Variants in UNC79 observed in about 807,000 individuals in gnomAD.
UNC79 encodes the protein unc-79 subunit of NALCN channel complex, also known as protein unc-79 homolog.
UNC79 carries 37 observed loss-of-function variants against 283.1 expected under a neutral mutation model. That is an observed-to-expected ratio of 0.13 (90% CI 0.10 to 0.17). The LOEUF is 0.17. Ranked by LOEUF, UNC79 falls within the 10% of genes least tolerant of loss-of-function variation. The pLI is 1.00. For synonymous variants in UNC79, 1,107 were observed against 1,200.2 expected, an observed-to-expected ratio of 0.92 and a Z score of 1.61; for missense variants, 2,272 against 3,211.1, an observed-to-expected ratio of 0.71 and a Z score of 7.07.
At chr14:93,683,106 T>C (rs1466620713) in intron 42 of UNC79, among the ~76,000 whole-genome samples, 1 of 152,220 alleles carries the variant, frequency 6.6e-6, no homozygotes, top group African/African-American at 2.4e-5. Flanking sequence ...TTATAATAGA[T>C]TTCTGGGAAT....
intron 30 of UNC79, among the ~76,000 whole-genome samples, chr14:93,629,862 C>A (rs2067881085): frequency 6.6e-6 from 1 of 152,112 alleles, no homozygotes; most frequent in African/African-American, 2.4e-5. Context: ...TCATGGGAGC[C>A]CATGGTGGTA....
At chr14:93,566,032 C>A (rs1471682494) in intron 14 of UNC79, among the ~76,000 whole-genome samples, 1 of 151,960 alleles carries the variant, frequency 6.6e-6, no homozygotes, top group African/African-American at 2.4e-5. Context: ...GAAAGCATAG[C>A]TTAGAGGGGT....
At chr14:93,584,695 C>A (rs1290414655) in intron 20 of UNC79, among the ~76,000 whole-genome samples, 4 of 152,080 alleles carry the variant, frequency 2.6e-5, no homozygotes, top group Non-Finnish European at 4.4e-5. Context: ...TAAGCAATTT[C>A]TTTTTTCTTT....
intron 38 of UNC79, among the ~76,000 whole-genome samples, chr14:93,655,718 CGTAGATATTAAATAA>C (rs2070862336): frequency 6.6e-6 from 1 of 151,660 alleles, no homozygotes; most frequent in Non-Finnish European, 1.5e-5. Flanking sequence ...GTTTTTCTCC[CGTAGATATTAAATAA>C]GTAAGTAAAT....
chr14:93,432,189 A>G (rs2055907833), intron 1 of UNC79, among the ~76,000 whole-genome samples: 2 of 152,258 alleles, frequency 1.3e-5, no homozygotes, highest in South Asian at 4.1e-4. Context: ...TATATATGAT[A>G]AAATGCAGTA....
At chr14:93,387,998 T>C (rs2054813001) in intron 1 of UNC79, among the ~76,000 whole-genome samples, 1 of 152,252 alleles carries the variant, frequency 6.6e-6, no homozygotes, top group Admixed American at 6.5e-5. Context: ...TCTTTGTCTC[T>C]TCTGATAGTT....
chr14:93,392,336 G>A (rs930674208), intron 1 of UNC79, among the ~76,000 whole-genome samples: 17 of 152,120 alleles, frequency 1.1e-4, no homozygotes, highest in East Asian at 3.9e-4. Context: ...AACATATACC[G>A]TGTGCTTTTA....
rs552826742 is a variant in UNC79 at position 93,381,596 on chromosome 14, G to A, written c.-351+48073G>A. 2.0e-5 allele frequency among the ~76,000 whole-genome samples: 3 copies of A among 152,324 alleles called. No individual in the cohort carries two copies. The South Asian group carries it at 6.2e-4, about 32-fold the overall frequency. ...TCTGGAGCAAGAGGAAGAGACAGATGGGATTGTCTTAAGAGTCTGCCTAAA... is the reference window on the plus strand; with the variant it reads ...TCTGGAGCAAGAGGAAGAGACAGATAGGATTGTCTTAAGAGTCTGCCTAAA... On this transcript the variant is annotated intron_variant, in intron 1 of 49. Coordinates refer to the UNC79 transcript ENST00000256339.
Position 93,474,078 on chromosome 14 carries a change from C to A in UNC79, c.144-11C>A. The A allele has an allele frequency of 6.6e-7, 1 of 1,507,514 alleles. No homozygotes were observed. Among genetic ancestry groups the A allele is most frequent in the Non-Finnish European group, 8.8e-7 (1 of 1,131,920 alleles). 93.4% of individuals were successfully genotyped at this position (1,507,514 alleles called of 1,614,324 possible). ...TTTGTTGTCTCTTTTTTTTCTTTGT[C>A]CCCCCAACAGCATTTTGTCCCGCAC... On this transcript the variant is annotated splice_polypyrimidine_tract_variant and intron_variant, in intron 2 of 48. Transcript: ENST00000555664. This position sits in a 1 kb window ranked among gnomAD's most constrained non-coding sequence, Gnocchi z 4.1.
chr14:93,507,512 T>C (rs543240491), intron 7 of UNC79, among the ~76,000 whole-genome samples: 4 of 152,334 alleles, frequency 2.6e-5, no homozygotes, highest in Admixed American at 2.6e-4. Context: ...TATTCCTATA[T>C]CTTATGAAGT....
intron 16 of UNC79, 102 bp downstream of exon 16, chr14:93,572,918 A>C: frequency 6.8e-7 from 1 of 1,467,746 alleles, no homozygotes; most frequent in Non-Finnish European, 9.1e-7. Flanking sequence ...AGACTTCGTA[A>C]GTCCCCATGT....
Position 93,438,613 on chromosome 14 carries a change from T to G in UNC79, c.22+7562T>G, listed in dbSNP as rs549649151. Among the ~76,000 whole-genome samples, 139 of 152,158 alleles carry G rather than the reference T, an allele frequency of 9.1e-4. 1 individual carries two copies. In the Middle Eastern group the frequency reaches 0.031, roughly 34 times the overall value. On this transcript the variant is annotated intron_variant, in intron 1 of 48. Transcript: ENST00000555664. ...ATCTCCACTCTCCCATTCAACATTGTTCTTAAAAAATAATGTTTCAAGCAG... is the reference window on the plus strand; with the variant it reads ...ATCTCCACTCTCCCATTCAACATTGGTCTTAAAAAATAATGTTTCAAGCAG...
chr14:93,672,984 G>C (rs891752957), intron 40 of UNC79, among the ~76,000 whole-genome samples: 2 of 152,152 alleles, frequency 1.3e-5, no homozygotes, highest in African/African-American at 4.8e-5. Context: ...AGAATAAAGA[G>C]TTGTATATGT....
chr14:93,366,306 C>A (rs577948346), intron 1 of UNC79, among the ~76,000 whole-genome samples: 1 of 152,220 alleles, frequency 6.6e-6, no homozygotes, highest in South Asian at 2.1e-4. Context: ...AATGTTATCA[C>A]AAATGAGTTG....
intron 11 of UNC79, among the ~76,000 whole-genome samples, chr14:93,534,338 C>T (rs1400181909): frequency 1.3e-5 from 2 of 152,176 alleles, no homozygotes; most frequent in African/African-American, 2.4e-5. Flanking sequence ...CAATCTGCTT[C>T]GTGCATGTAG....
intron 5 of UNC79, among the ~76,000 whole-genome samples, chr14:93,489,405 A>T (rs776752477): frequency 6.6e-6 from 1 of 152,222 alleles, no homozygotes; most frequent in Non-Finnish European, 1.5e-5. Flanking sequence ...TGTGAATACC[A>T]TCTAAATCAG....
intron 14 of UNC79, among the ~76,000 whole-genome samples, chr14:93,563,737 G>A (rs186777771): frequency 3.3e-4 from 51 of 152,246 alleles, no homozygotes; most frequent in Admixed American, 2.4e-3. Flanking sequence ...TGAATGTCAG[G>A]TAGATCAGAG....
chr14:93,516,231 G>A (rs2060046508), intron 7 of UNC79, among the ~76,000 whole-genome samples: 1 of 151,754 alleles, frequency 6.6e-6, no homozygotes, highest in African/African-American at 2.4e-5. Flanking sequence ...GATTACTGTA[G>A]CTTTACGGTG....
At chr14:93,684,087 T>C (rs1437921568) in intron 42 of UNC79, among the ~76,000 whole-genome samples, 1 of 152,204 alleles carries the variant, frequency 6.6e-6, no homozygotes, top group Non-Finnish European at 1.5e-5. Context: ...AAGAAATTTC[T>C]AAGTATGTAA....
Sources: allele counts gnomAD v4.1 joint callset (sites outside exome capture counted in the v4.1 genomes callset), GRCh38; gene constraint gnomAD v4.1.1; non-coding constraint Gnocchi (gnomAD v3.1); transcripts MANE v1.5; gene names NCBI Gene and HGNC (gene_info 2026-07-23, HGNC 2026-07-21).